The following PRKN variants were observed in gnomAD, a reference collection of about 807,000 sequenced individuals.
PRKN encodes the protein E3 ubiquitin-protein ligase parkin.
Under a neutral mutation model 59.5 loss-of-function variants are expected in PRKN, and 56 were observed. That is an observed-to-expected ratio of 0.94 (90% CI 0.76 to 1.18). The LOEUF (loss-of-function observed/expected upper bound fraction) is 1.18, where lower values mean the gene tolerates loss of function less well. PRKN is among the 50% of genes most tolerant of loss of function. PRKN has a pLI of 0.00. For missense variants in PRKN, 657 were observed against 596.4 expected (o/e 1.10, Z -1.06); for synonymous variants, 250 against 222.1 (o/e 1.13, Z -1.12).
intron 3 of PRKN, among the ~76,000 whole-genome samples, chr6:162,254,289 T>A (rs1160448108): frequency 6.6e-6 from 1 of 151,940 alleles, no homozygotes; most frequent in Non-Finnish European, 1.5e-5. Context: ...AAACCCTGTC[T>A]CTATTAAAAA....
intron 6 of PRKN, among the ~76,000 whole-genome samples, chr6:161,946,543 A>T (rs1039274478): frequency 6.6e-6 from 1 of 152,036 alleles, no homozygotes; most frequent in African/African-American, 2.4e-5. Flanking sequence ...CTGATAAAAC[A>T]TTCAGAAAAT....
intron 2 of PRKN, among the ~76,000 whole-genome samples, chr6:162,360,018 A>G (rs1785065288): frequency 6.6e-6 from 1 of 152,044 alleles, no homozygotes; most frequent in Admixed American, 6.6e-5. Flanking sequence ...ATAATTTTTC[A>G]AATTCTCACT....
chr6:161,580,021 T>G (rs1583254342), intron 7 of PRKN, among the ~76,000 whole-genome samples: 2 of 152,150 alleles, frequency 1.3e-5, no homozygotes. Context: ...TTTTATATAT[T>G]TAGAGTGTAT....
chr6:162,142,420 T>G (rs1229650767), intron 4 of PRKN, among the ~76,000 whole-genome samples: 1 of 152,196 alleles, frequency 6.6e-6, no homozygotes, highest in Non-Finnish European at 1.5e-5. Context: ...TTTCCTCATT[T>G]GAATAATGGA....
chr6:162,126,427 T>A lies in PRKN; in HGVS notation c.535-72253A>T, dbSNP rs1439053927. Reference sequence around the variant, plus strand: ...TAAAACTGGCTTAATTGGTTTCGATTGATTTAACAACCCTTCTTCACTTAG... The same window carrying A: ...TAAAACTGGCTTAATTGGTTTCGATAGATTTAACAACCCTTCTTCACTTAG... On this transcript the variant is annotated intron_variant, in intron 4 of 11. Transcript: ENST00000366898. Among the ~76,000 whole-genome samples, 5 of 152,250 alleles carry A rather than the reference T, an allele frequency of 3.3e-5. No individual in the cohort carries two copies. In the East Asian group the frequency reaches 9.6e-4, roughly 29 times the overall value.
intron 7 of PRKN, among the ~76,000 whole-genome samples, chr6:161,676,959 T>C (rs1785110189): frequency 1.3e-5 from 2 of 152,204 alleles, no homozygotes; most frequent in African/African-American, 4.8e-5. Context: ...ATCTGCGGTC[T>C]TTCATCATGT....
At chr6:162,339,788 C>T (rs547912985) in intron 2 of PRKN, among the ~76,000 whole-genome samples, 151 of 149,456 alleles carry the variant, frequency 1.0e-3, no homozygotes, top group African/African-American at 3.6e-3. Flanking sequence ...TTTTGTTCTG[C>T]ACTAAGAAAA....
chr6:161,882,441 G>C (rs756015020), intron 6 of PRKN, among the ~76,000 whole-genome samples: 23 of 152,126 alleles, frequency 1.5e-4, no homozygotes, highest in Non-Finnish European at 2.8e-4. Context: ...CCAGGCGGCA[G>C]CTTCCCTCCG....
chr6:162,691,190 A>G (rs551674676), intron 1 of PRKN, among the ~76,000 whole-genome samples: 1 of 152,152 alleles, frequency 6.6e-6, no homozygotes, highest in Admixed American at 6.5e-5. Flanking sequence ...TGCCCCTACT[A>G]TATCTAAATA....
chr6:161,821,948 C>T lies in PRKN; in HGVS notation c.735-36040G>A, dbSNP rs139935225. Among the ~76,000 whole-genome samples the T allele has an allele frequency of 9.2e-3, 1,404 of 151,916 alleles. 26 individuals are homozygous for T. Among genetic ancestry groups the T allele is most frequent in the South Asian group, 0.069 (333 of 4,812 alleles). ...ATTTTTAGTAGAGACGGGGTTTCAC[C>T]ATGTGGACCAGGCTGGTCTTGAACT... On this transcript the variant is annotated intron_variant, in intron 6 of 11. Transcript: ENST00000366898.
At chr6:162,701,212 T>C (rs1778139984) in intron 1 of PRKN, among the ~76,000 whole-genome samples, 1 of 152,144 alleles carries the variant, frequency 6.6e-6, no homozygotes, top group East Asian at 1.9e-4. Context: ...TTCAATGTGA[T>C]TATAATTGTA....
intron 9 of PRKN, among the ~76,000 whole-genome samples, chr6:161,431,293 CTATAAA>C (rs1211535923): frequency 6.6e-6 from 1 of 151,954 alleles, no homozygotes; most frequent in Non-Finnish European, 1.5e-5. Flanking sequence ...ATGGCTTTTT[CTATAAA>C]TTAAATAGTC....
At chr6:161,917,149 A>G (rs983617611) in intron 6 of PRKN, among the ~76,000 whole-genome samples, 7 of 151,710 alleles carry the variant, frequency 4.6e-5, no homozygotes, top group Non-Finnish European at 1.0e-4. Flanking sequence ...TCTGCTGCTC[A>G]GGCTGGAGTG....
At chr6:162,280,451 C>A (rs997925315) in intron 2 of PRKN, among the ~76,000 whole-genome samples, 1 of 151,818 alleles carries the variant, frequency 6.6e-6, no homozygotes, top group East Asian at 1.9e-4. Context: ...AATTGACACC[C>A]TAACATCACC....
rs541354052 is a variant in PRKN at position 161,609,940 on chromosome 6, T to A, written c.872-40524A>T. Among the ~76,000 whole-genome samples the A allele has an allele frequency of 9.2e-5, 14 of 152,368 alleles. No individual in the cohort carries two copies. The East Asian group carries it at 2.7e-3, about 29-fold the overall frequency. ...TGTTTTGAATAATTAGCTATGAGAC[T>A]GTTCCCCATAGTTTACAAAGAAAAG... is the stretch of plus-strand genomic sequence containing the variant. On this transcript the variant is annotated intron_variant, in intron 7 of 11. Coordinates refer to ENST00000366898, the MANE Select transcript of PRKN (RefSeq NM_004562.3).
chr6:162,304,207 G>A (rs996409807), intron 2 of PRKN, among the ~76,000 whole-genome samples: 7 of 150,524 alleles, frequency 4.7e-5, no homozygotes, highest in African/African-American at 1.7e-4. Flanking sequence ...TTATGTTGCC[G>A]CAATCCCCTA....
At chr6:161,553,778 T>A (rs1780129042) in intron 8 of PRKN, among the ~76,000 whole-genome samples, 1 of 152,224 alleles carries the variant, frequency 6.6e-6, no homozygotes, top group Non-Finnish European at 1.5e-5. Flanking sequence ...TTTAACTCAA[T>A]GCAGTGATTT....
intron 6 of PRKN, among the ~76,000 whole-genome samples, chr6:161,880,344 A>G (rs1366523601): frequency 6.6e-6 from 1 of 152,208 alleles, no homozygotes; most frequent in East Asian, 1.9e-4. Context: ...TTATATTTTG[A>G]ACATGCATAT....
chr6:161,618,368 C>A (rs1402599946), intron 7 of PRKN, among the ~76,000 whole-genome samples: 3 of 152,104 alleles, frequency 2.0e-5, no homozygotes, highest in Non-Finnish European at 4.4e-5. Flanking sequence ...TTGTGTTTTG[C>A]CCGGAAAGCC....
Sources: gnomAD v4.1 joint callset for allele counts (sites outside exome capture counted in the v4.1 genomes callset) on GRCh38, gnomAD v4.1.1 for gene constraint, MANE v1.5 for transcripts, NCBI Gene and HGNC (gene_info 2026-07-23, HGNC 2026-07-21) for gene names.